The following FRMD4B variants were observed in gnomAD, a reference collection of about 807,000 sequenced individuals.
The protein encoded by FRMD4B is FERM domain containing 4B.
Under a neutral mutation model 141.5 loss-of-function variants are expected in FRMD4B, and 74 were observed. That is an observed-to-expected ratio of 0.52 (90% CI 0.43 to 0.63). The LOEUF (loss-of-function observed/expected upper bound fraction) is 0.63, where lower values mean the gene tolerates loss of function less well. Among genes scored for constraint, FRMD4B ranks in the 30% least tolerant of loss-of-function variants. The pLI is 0.00. For missense variants in FRMD4B, 1,366 were observed against 1,253.4 expected, an observed-to-expected ratio of 1.09 and a Z score of -1.36; for synonymous variants, 506 against 467.9, an observed-to-expected ratio of 1.08 and a Z score of -1.05.
chr3:69,359,109 G>T (rs1295898824), intron 1 of FRMD4B, among the ~76,000 whole-genome samples: 1 of 152,206 alleles, frequency 6.6e-6, no homozygotes, highest in South Asian at 2.1e-4. Flanking sequence ...AGTGGTGGGG[G>T]AACAGCAGTG....
At chr3:69,302,842 G>A (rs1340182050) in intron 3 of FRMD4B, among the ~76,000 whole-genome samples, 11 of 152,208 alleles carry the variant, frequency 7.2e-5, no homozygotes, top group African/African-American at 2.7e-4. Context: ...GGAGGCCGAG[G>A]CGGGCAGATC....
chr3:69,355,281 G>A (rs951051828), intron 1 of FRMD4B, among the ~76,000 whole-genome samples: 2 of 152,072 alleles, frequency 1.3e-5, no homozygotes, highest in South Asian at 2.1e-4. Flanking sequence ...CAAGTGTTAT[G>A]AGCACTCCTA....
At chr3:69,524,075 C>A (rs1446852147) in intron 1 of FRMD4B, among the ~76,000 whole-genome samples, 2 of 152,120 alleles carry the variant, frequency 1.3e-5, no homozygotes, top group Non-Finnish European at 2.9e-5. Context: ...CATAGATGAC[C>A]CCCCACCCTT....
chr3:69,541,014 G>C (rs1009678801), intron 1 of FRMD4B: 2 of 152,192 alleles, frequency 1.3e-5, no homozygotes, highest in African/African-American at 4.8e-5. Context: ...AGGCGAAGCT[G>C]CTTTTCTTCC....
intron 1 of FRMD4B, among the ~76,000 whole-genome samples, chr3:69,369,148 A>G (rs750808095): frequency 1.3e-5 from 2 of 152,260 alleles, no homozygotes; most frequent in African/African-American, 4.8e-5. Flanking sequence ...GTTGGTGGAA[A>G]AAAAGCGAAA....
chr3:69,481,183 C>T (rs1706117676), intron 1 of FRMD4B, among the ~76,000 whole-genome samples: 1 of 152,184 alleles, frequency 6.6e-6, no homozygotes, highest in Admixed American at 6.5e-5. Flanking sequence ...AATGCCTCGC[C>T]CTGCTTCAGC....
chr3:69,444,144 C>T (rs1319035976), intron 1 of FRMD4B, among the ~76,000 whole-genome samples: 1 of 152,136 alleles, frequency 6.6e-6, no homozygotes, highest in East Asian at 1.9e-4. Flanking sequence ...AGCCCCCTGC[C>T]CACCAAACTA....
chr3:69,267,840 C>G (rs1007850537), intron 5 of FRMD4B, among the ~76,000 whole-genome samples: 1 of 151,694 alleles, frequency 6.6e-6, no homozygotes, highest in Non-Finnish European at 1.5e-5. Context: ...ATCATGTTGG[C>G]CAGGCTGGTC....
chr3:69,214,294 A>C (rs1189498350), intron 11 of FRMD4B, among the ~76,000 whole-genome samples: 1 of 152,206 alleles, frequency 6.6e-6, no homozygotes, highest in Non-Finnish European at 1.5e-5. Flanking sequence ...ACAGATGGAA[A>C]TTACAGGAGT....
chr3:69,185,587 A>G (rs1436605428), intron 19 of FRMD4B, among the ~76,000 whole-genome samples: 2 of 152,210 alleles, frequency 1.3e-5, no homozygotes, highest in Admixed American at 1.3e-4. Context: ...TCCCATGTTT[A>G]CTAGTTGATG....
At position 69,257,684 on chromosome 3, in the gene FRMD4B, CAG is replaced by C. The variant is rs555342251; in HGVS notation, c.502-7587_502-7586del. On this transcript the variant is annotated intron_variant, in intron 5 of 22. Transcript: ENST00000398540. ...GGATTGGCTTTTTTTTTTCTTGAGACAGAGTCTCTCTCTGTCACCCAGGCTGG... is the reference window on the plus strand; with the variant it reads ...GGATTGGCTTTTTTTTTTCTTGAGACAGTCTCTCTCTGTCACCCAGGCTGG... 9.9e-5 allele frequency among the ~76,000 whole-genome samples: 15 copies of C among 151,646 alleles called. No homozygotes were observed. In the South Asian group the frequency reaches 3.1e-3, roughly 32 times the overall value.
At chr3:69,358,116 C>G (rs1363612612) in intron 1 of FRMD4B, among the ~76,000 whole-genome samples, 1 of 152,170 alleles carries the variant, frequency 6.6e-6, no homozygotes, top group African/African-American at 2.4e-5. Context: ...CACACACATG[C>G]TGGTTTCTGT....
intron 1 of FRMD4B, among the ~76,000 whole-genome samples, chr3:69,349,907 G>A (rs1162283132): frequency 6.6e-6 from 1 of 152,140 alleles, no homozygotes; most frequent in Non-Finnish European, 1.5e-5. Context: ...TCAGGACATA[G>A]GCATGGGCAA....
At chr3:69,433,860 T>A (rs879922240) in intron 1 of FRMD4B, among the ~76,000 whole-genome samples, 3 of 152,178 alleles carry the variant, frequency 2.0e-5, no homozygotes, top group Admixed American at 2.0e-4. Context: ...TTGGTCCTCA[T>A]GATCTCTCAG....
chr3:69,464,507 G>A (rs28708485), intron 1 of FRMD4B, among the ~76,000 whole-genome samples: 4,653 of 152,172 alleles, frequency 0.031, 248 homozygotes, highest in African/African-American at 0.11. Flanking sequence ...ATGAAACTAG[G>A]ACTACAGATT....
chr3:69,301,837 G>A (rs761550331), intron 4 of FRMD4B, among the ~76,000 whole-genome samples: 4 of 152,172 alleles, frequency 2.6e-5, no homozygotes, highest in Non-Finnish European at 5.9e-5. Context: ...ATGCAACTCA[G>A]ATCCCTGTAC....
At chr3:69,293,880 CAAAAAAAA>C (rs10699871) in intron 4 of FRMD4B, among the ~76,000 whole-genome samples, 78 of 74,444 alleles carry the variant, frequency 1.0e-3, no homozygotes, top group Admixed American at 2.3e-3. Flanking sequence ...GATTCTGCCT[CAAAAAAAA>C]AAAAAAAAAA....
chr3:69,200,147 A>T, intron 11 of FRMD4B, among the ~76,000 whole-genome samples: 1 of 152,204 alleles, frequency 6.6e-6, no homozygotes, highest in African/African-American at 2.4e-5. Context: ...CTTTTCACAG[A>T]CATGTAAACC....
chr3:69,181,644 G>A lies in FRMD4B; in HGVS notation c.2106C>T (p.Leu702=), dbSNP rs774232697. ...SGSLESQSHL[L]SEMDSDKPFF... ...ATGGCTTATCGCTGTCCATCTCGGA[G>A]AGCAGGTGGGACTGGGACTCCAGGC... The change falls in exon 21 of 23, where the codon CTC becomes CTT. Residue 702 remains leucine, a synonymous_variant. Transcript: ENST00000398540. 5 of 1,612,840 alleles carry A rather than the reference G, an allele frequency of 3.1e-6. No individual in the cohort carries two copies. Among genetic ancestry groups the A allele is most frequent in the Middle Eastern group, 1.7e-4 (1 of 6,056 alleles).
Sources: gnomAD v4.1 joint callset for allele counts (sites outside exome capture counted in the v4.1 genomes callset) on GRCh38, gnomAD v4.1.1 for gene constraint, MANE v1.5 for transcripts, NCBI Gene and HGNC (gene_info 2026-07-23, HGNC 2026-07-21) for gene names.